Variants in ZNF142 observed in about 807,000 individuals in gnomAD.
ZNF142 encodes zinc finger protein 142, also known as zinc finger protein 142 (clone pHZ-49).
In ZNF142, 96 loss-of-function variants were observed where a neutral mutation model predicts 132.1. The ratio of observed to expected loss-of-function variants is 0.73; its 90% confidence interval spans 0.62 to 0.86. ZNF142 has a LOEUF of 0.86. Among genes scored for constraint, ZNF142 ranks in the 40% least tolerant of loss-of-function variants. The probability of loss-of-function intolerance (pLI) is 0.00; values close to 1 mark genes in which losing one functional copy is unlikely to be tolerated. For synonymous variants in ZNF142, 842 were observed against 890.1 expected, an observed-to-expected ratio of 0.95 and a Z score of 0.96; for missense variants, 2,163 against 2,336.2, an observed-to-expected ratio of 0.93 and a Z score of 1.53.
Position 218,649,096 on chromosome 2 carries a change from T to A in ZNF142, c.1412A>T (p.His471Leu). 6.2e-7 allele frequency: 1 copy of A among 1,613,964 alleles called. No homozygotes were observed. Among genetic ancestry groups the A allele is most frequent in the Non-Finnish European group, 8.5e-7 (1 of 1,180,040 alleles). ...GGCTGCTGCCGTGTGGCTCTTGAGG[T>A]GCTCCTTTAGGGCCTGGCTGAGGCG... ...EFRLSQALKE[H>L]LKSHTAAAAA... Residue 471 changes from histidine to leucine, a missense_variant, in exon 7 of 11, where the codon CAC becomes CTC. Physicochemically the swap from His to Leu is moderately conservative, Grantham distance 99. Coordinates refer to ENST00000411696, the MANE Select transcript of ZNF142 (RefSeq NM_001379659.1).
At chr2:218,658,328 T>A (rs569811727) in intron 3 of ZNF142, among the ~76,000 whole-genome samples, 3 of 152,044 alleles carry the variant, frequency 2.0e-5, no homozygotes, top group Non-Finnish European at 4.4e-5. Flanking sequence ...TCACCTGAGG[T>A]CAGAAGTTCG....
Position 218,634,710 on chromosome 2 carries a change from G to A in ZNF142, c.*3629C>T. On this transcript the variant is annotated 3_prime_UTR_variant, in exon 11 of 11. Transcript: ENST00000411696. The surrounding 1 kb of genome is among the most constrained non-coding windows in gnomAD (Gnocchi z 4.0). ...GGGAAGAGGTGGCTAGGCCTGACCG[G>A]AATGTAGAGGCCGGATAGCCTATTA... 1 of 1,473,344 alleles carries A rather than the reference G, an allele frequency of 6.8e-7. No individual in the cohort carries two copies. Among genetic ancestry groups the A allele is most frequent in the Non-Finnish European group, 9.3e-7 (1 of 1,078,416 alleles). The allele number at this position is 1,473,344 out of a possible 1,614,324, so 91.3% of individuals were successfully genotyped here.
At chr2:218,649,970 A>G (rs568400114) in intron 6 of ZNF142, among the ~76,000 whole-genome samples, 1 of 152,344 alleles carries the variant, frequency 6.6e-6, no homozygotes, top group South Asian at 2.1e-4. Flanking sequence ...ACTTTCAAAT[A>G]TTCTACTGAG....
Position 218,640,770 on chromosome 2 carries a change from C to T in ZNF142, c.5089-1G>A. The T allele has an allele frequency of 1.2e-6, 2 of 1,613,898 alleles. No individual in the cohort carries two copies. Among genetic ancestry groups the T allele is most frequent in the Non-Finnish European group, 1.7e-6 (2 of 1,179,820 alleles). ...CCTCCTTGTGGATCCGCATGTGGTACTGGAAGAGGCAAGAGCAAAAAGCAG... is the reference window on the plus strand; with the variant it reads ...CCTCCTTGTGGATCCGCATGTGGTATTGGAAGAGGCAAGAGCAAAAAGCAG... On this transcript the variant is annotated splice_acceptor_variant, in intron 9 of 10. Transcript: ENST00000411696. LOFTEE classifies it high-confidence loss of function.
intron 9 of ZNF142, 79 bp downstream of exon 9, chr2:218,641,949 T>G: frequency 6.7e-7 from 1 of 1,499,858 alleles, no homozygotes; most frequent in South Asian, 1.3e-5. Flanking sequence ...TCTGGAGGAG[T>G]CAGCTATAGA....
chr2:218,650,634 A>G, intron 5 of ZNF142, 108 bp from the exon 6 acceptor site: 1 of 1,124,786 alleles, frequency 8.9e-7, no homozygotes, highest in Non-Finnish European at 1.2e-6. Flanking sequence ...CACTTTTAGC[A>G]TAAGGAGATC....
At position 218,642,818 on chromosome 2, in the gene ZNF142, C is replaced by A. The variant is rs1275959058; in HGVS notation, c.4298G>T (p.Cys1433Phe). The change falls in exon 9 of 11, where the codon TGC becomes TTC. Residue 1433 changes from cysteine (C) to phenylalanine (F), a missense_variant. Coordinates refer to ENST00000411696, the MANE Select transcript of ZNF142 (RefSeq NM_001379659.1). This position sits in a 1 kb window ranked among gnomAD's most constrained non-coding sequence, Gnocchi z 4.6. ...CGAGTTGGTACCAAACGTCTGGGGGCAAGAGCTGCAGGGGATGCGGCCAAT... is the reference window on the plus strand; with the variant it reads ...CGAGTTGGTACCAAACGTCTGGGGGAAAGAGCTGCAGGGGATGCGGCCAAT... Reference protein sequence around the residue: ...TGIGRIPCSSCPQTFGTNSKL... With the variant: ...TGIGRIPCSSFPQTFGTNSKL... 1.2e-6 allele frequency: 2 copies of A among 1,614,064 alleles called. No homozygotes were observed.
chr2:218,640,714 T>A lies in ZNF142; in HGVS notation c.5144A>T (p.Tyr1715Phe). 6.2e-7 allele frequency: 1 copy of A among 1,614,202 alleles called. No homozygotes were observed. The highest frequency in any genetic ancestry group is 8.5e-7 in the Non-Finnish European group (1 of 1,180,042). Residue 1715 changes from tyrosine to phenylalanine, a missense_variant, in exon 10 of 11, where the codon TAC (tyrosine) becomes TTC (phenylalanine). Physicochemically the swap from Tyr to Phe is conservative, Grantham distance 22 (BLOSUM62 3). This residue lies in a region of ZNF142 where 325 missense variants were observed against 367.8 expected (regional missense o/e 0.88). Coordinates refer to ENST00000411696, the MANE Select transcript of ZNF142 (RefSeq NM_001379659.1). ...CAGCTGGTTGACCCACTTGCACTTG[T>A]AGCCACACTCAGGGCACAGGTACTT... ...ERKYLCPECGYKCKWVNQLKY... is the reference protein window; with the variant it reads ...ERKYLCPECGFKCKWVNQLKY...
In ZNF142 at chr2:218,635,761, C is replaced by T; in HGVS notation, c.*2578G>A. 2 of 1,600,670 alleles carry T rather than the reference C, an allele frequency of 1.2e-6. No individual in the cohort carries two copies. The highest frequency in any genetic ancestry group is 2.3e-5 in the East Asian group (1 of 44,338). On this transcript the variant is annotated 3_prime_UTR_variant, in exon 11 of 11. Transcript: ENST00000411696. ...TAGGGTCGGGTGGGGCTGGGCTGAG[C>T]AGGAACTTGTGAGATTCCAGAGCCC...
In ZNF142 at chr2:218,648,705, G is replaced by A. The variant is rs1937670694; in HGVS notation, c.1803C>T (p.His601=). 6.2e-7 allele frequency: 1 copy of A among 1,614,136 alleles called. No individual in the cohort carries two copies. The highest frequency in any genetic ancestry group is 1.1e-5 in the South Asian group (1 of 91,086). ...VGKMHAHEKI[H]QCPECNFATA... ...TGGCAAAGTTGCACTCAGGACACTGGTGGATCTTTTCATGAGCATGCATCT... is the reference window on the plus strand; with the variant it reads ...TGGCAAAGTTGCACTCAGGACACTGATGGATCTTTTCATGAGCATGCATCT... The change falls in exon 7 of 11, where the codon CAC becomes CAT. Residue 601 remains histidine (H), a synonymous_variant. Transcript: ENST00000411696.
In ZNF142 at chr2:218,646,338, G is replaced by C; in HGVS notation, c.1884C>G (p.Pro628=). The change falls in exon 8 of 11, where the codon CCC becomes CCG. Residue 628 remains proline (P), a synonymous_variant. Coordinates refer to ENST00000411696, the MANE Select transcript of ZNF142 (RefSeq NM_001379659.1). ...TGAAGTCACACAGCTCACACTTGTG[G>C]GGCTTCTCACCTTATATGGGGGATG... is the stretch of plus-strand genomic sequence containing the variant. ...RHMLLHTGEK[P]HKCELCDFTC... is the part of the protein sequence containing the mutation. 3 of 1,614,092 alleles carry C rather than the reference G, an allele frequency of 1.9e-6. No individual in the cohort carries two copies. Among genetic ancestry groups the C allele is most frequent in the Non-Finnish European group, 2.5e-6 (3 of 1,179,996 alleles).
At position 218,634,158 on chromosome 2, in the gene ZNF142, G is replaced by A. The variant is rs369726189; in HGVS notation, c.*4181C>T. The A allele has an allele frequency of 8.7e-6, 14 of 1,612,682 alleles. No individual in the cohort carries two copies. Among genetic ancestry groups the A allele is most frequent in the South Asian group, 2.2e-5 (2 of 90,720 alleles). The stretch of plus-strand genomic sequence containing the variant: ...GCAGTTAAGCCGTGTGTATCCCAGC[G>A]GCCTGAGGACAGACTCTTCCAACTA... On this transcript the variant is annotated 3_prime_UTR_variant, in exon 11 of 11. Coordinates refer to ENST00000411696, the MANE Select transcript of ZNF142 (RefSeq NM_001379659.1). The surrounding 1 kb of genome is among the most constrained non-coding windows in gnomAD (Gnocchi z 4.0).
intron 8 of ZNF142, 39 bp downstream of exon 8, chr2:218,646,131 AT>A: frequency 6.3e-7 from 1 of 1,593,186 alleles, no homozygotes; most frequent in East Asian, 2.2e-5. Context: ...CTTGGCTAAG[AT>A]TCTTGGGATT....
rs1030556321 is a variant in ZNF142, at chr2:218,633,550, C to T, written c.*4789G>A. 8.0e-5 allele frequency: 126 copies of T among 1,575,894 alleles called. No individual in the cohort carries two copies. Among genetic ancestry groups the T allele is most frequent in the Non-Finnish European group, 1.1e-4 (123 of 1,145,850 alleles). On this transcript the variant is annotated 3_prime_UTR_variant, in exon 11 of 11. Transcript: ENST00000411696. ...GTTTAGGTTGGATGGCCATTATCTT[C>T]TTCTCTCTCAGACTGCTGAGGGTTC...
At chr2:218,647,484 T>C (rs986036219) in intron 7 of ZNF142, among the ~76,000 whole-genome samples, 1 of 148,454 alleles carries the variant, frequency 6.7e-6, no homozygotes, top group Non-Finnish European at 1.5e-5. Context: ...CAGGTGCTAT[T>C]ATCACCCTCA....
chr2:218,634,258 G>A lies in ZNF142; in HGVS notation c.*4081C>T. 4 of 1,588,100 alleles carry A rather than the reference G, an allele frequency of 2.5e-6. No homozygotes were observed. The South Asian group carries it at 4.5e-5, about 18-fold the overall frequency. ...GCAGGGACTGGGAAGAGGGAGTGGA[G>A]GAGCAGCAGGTGGGAAATAAGTTCT... On this transcript the variant is annotated 3_prime_UTR_variant, in exon 11 of 11. Transcript: ENST00000411696. This position sits in a 1 kb window ranked among gnomAD's most constrained non-coding sequence, Gnocchi z 4.0.
intron 10 of ZNF142, among the ~76,000 whole-genome samples, chr2:218,639,053 C>A (rs534135627): frequency 6.6e-6 from 1 of 152,328 alleles, no homozygotes; most frequent in East Asian, 1.9e-4. Flanking sequence ...CTCACTACAA[C>A]CTCCGCCTCC....
chr2:218,637,267 G>C lies in ZNF142; in HGVS notation c.*1072C>G, dbSNP rs1311914116. 5.6e-6 allele frequency: 1 copy of C among 179,136 alleles called. No homozygotes were observed. Among genetic ancestry groups the C allele is most frequent in the Non-Finnish European group, 1.2e-5 (1 of 84,766 alleles). 11.1% of individuals were successfully genotyped at this position (179,136 alleles called of 1,614,324 possible). ...GGGTAGTCAGGTGAGACAAGGAAAAGGTAGAGAAAGAGGTTCCCAGGAGAC... is the reference window on the plus strand; with the variant it reads ...GGGTAGTCAGGTGAGACAAGGAAAACGTAGAGAAAGAGGTTCCCAGGAGAC... On this transcript the variant is annotated 3_prime_UTR_variant, in exon 11 of 11. Coordinates refer to ENST00000411696, the MANE Select transcript of ZNF142 (RefSeq NM_001379659.1).
chr2:218,652,129 G>A lies in ZNF142; in HGVS notation c.452C>T (p.Pro151Leu), dbSNP rs566787788. ...VELPPSNPTL[P>L]GPLQGQSPPV... ...CGGGCTCTGGCCCTGCAGAGGGCCA[G>A]GGAGGGTTGGGTTGCTGGGAGGCAG... Residue 151 changes from proline to leucine, a missense_variant, in exon 5 of 11, where the codon CCT (proline) becomes CTT (leucine). Transcript: ENST00000411696. 5 of 449,182 alleles carry A rather than the reference G, an allele frequency of 1.1e-5. No individual in the cohort carries two copies. The highest frequency in any genetic ancestry group is 7.8e-5 in the South Asian group (5 of 63,786). The allele number at this position is 449,182 out of a possible 1,614,324, so 27.8% of individuals were successfully genotyped here.
Sources: gnomAD v4.1 joint callset for allele counts (sites outside exome capture counted in the v4.1 genomes callset) on GRCh38, gnomAD v4.1.1 for gene constraint, gnomAD v4.1.1 regional missense constraint, Gnocchi (gnomAD v3.1) non-coding constraint, MANE v1.5 for transcripts, NCBI Gene and HGNC (gene_info 2026-07-23, HGNC 2026-07-21) for gene names.